The following ACAP3 variants were observed in gnomAD, a reference collection of about 807,000 sequenced individuals.
ACAP3 encodes arf-GAP with coiled-coil, ANK repeat and PH domain-containing protein 3.
ACAP3 carries 56 observed loss-of-function variants against 104.1 expected under a neutral mutation model. The ratio of observed to expected loss-of-function variants is 0.54; its 90% confidence interval spans 0.43 to 0.67. The LOEUF is 0.67. Among genes scored for constraint, ACAP3 ranks in the 30% least tolerant of loss-of-function variants. The pLI is 0.00. For synonymous variants in ACAP3, 628 were observed against 496.2 expected, an observed-to-expected ratio of 1.27 and a Z score of -3.53; for missense variants, 1,208 against 1,174.9, an observed-to-expected ratio of 1.03 and a Z score of -0.41.
chr1:1,307,618 G>A (rs1310148830), intron 1 of ACAP3, 151 bp downstream of exon 1: 11 of 924,948 alleles, frequency 1.2e-5, no homozygotes, highest in Non-Finnish European at 1.5e-5. Context: ...ATGGCGGGGC[G>A]GGGCCGCCGC....
intron 12 of ACAP3, 50 bp downstream of exon 12, chr1:1,298,320 C>T (rs1162012033): frequency 1.2e-6 from 2 of 1,604,102 alleles, no homozygotes; most frequent in Non-Finnish European, 1.7e-6. Flanking sequence ...CCCTGTGGCC[C>T]AGGTGGGGCG....
intron 1 of ACAP3, chr1:1,307,452 C>A (rs2100507147): frequency 7.7e-7 from 1 of 1,295,568 alleles, no homozygotes; most frequent in South Asian, 1.2e-5. Context: ...CTGGCCAGAG[C>A]TGGACTGCAG....
chr1:1,293,427 G>C lies in ACAP3; in HGVS notation c.*137C>G, dbSNP rs1557592447. The C allele has an allele frequency of 3.1e-5, 28 of 902,358 alleles. No individual in the cohort carries two copies. Among genetic ancestry groups the C allele is most frequent in the Admixed American group, 2.8e-4 (6 of 21,144 alleles). 55.9% of individuals were successfully genotyped at this position (902,358 alleles called of 1,614,324 possible). On this transcript the variant is annotated 3_prime_UTR_variant, in exon 24 of 24. Transcript: ENST00000354700. The stretch of plus-strand genomic sequence containing the variant: ...GCTCTCCTCCTGGGCGAGCAGGGCC[G>C]CGGCGCCCCAGCACTGGGGCTGCCA...
chr1:1,303,488 C>T lies in ACAP3; in HGVS notation c.106-207G>A, dbSNP rs1456463240. On this transcript the variant is annotated intron_variant, in intron 2 of 23. Transcript: ENST00000354700. This position sits in a 1 kb window ranked among gnomAD's most constrained non-coding sequence, Gnocchi z 4.0. ...GTCTGGGAGGGGAGGGTGGGGCCGCCACGGCTCGGCTGGGAGGGACCAGGA... is the reference window on the plus strand; with the variant it reads ...GTCTGGGAGGGGAGGGTGGGGCCGCTACGGCTCGGCTGGGAGGGACCAGGA... 2.9e-6 allele frequency: 2 copies of T among 678,502 alleles called. No individual in the cohort carries two copies. Among genetic ancestry groups the T allele is most frequent in the Non-Finnish European group, 4.8e-6 (2 of 414,668 alleles). The allele number at this position is 678,502 out of a possible 1,614,324, so 42.0% of individuals were successfully genotyped here.
In ACAP3 at chr1:1,298,363, G is replaced by A; in HGVS notation, c.915+7C>T. ...ATCAGGGCCCCAGCCCCAGGCCCAG[G>A]GCACACCTTGAGCTTCTTCTGGTAG... is the stretch of plus-strand genomic sequence containing the variant. On this transcript the variant is annotated splice_region_variant and intron_variant, in intron 12 of 23. Transcript: ENST00000354700. 6.2e-7 allele frequency: 1 copy of A among 1,605,564 alleles called. No individual in the cohort carries two copies. Among genetic ancestry groups the A allele is most frequent in the Non-Finnish European group, 8.5e-7 (1 of 1,176,150 alleles).
intron 5 of ACAP3, among the ~76,000 whole-genome samples, chr1:1,300,953 G>A (rs1048625098): frequency 1.3e-5 from 2 of 152,188 alleles, no homozygotes; most frequent in Admixed American, 1.3e-4. Flanking sequence ...TTTTAGTAGA[G>A]ATGGGGTTTC....
In ACAP3 at chr1:1,299,335, G is replaced by T; in HGVS notation, c.750+10C>A. 6.3e-7 allele frequency: 1 copy of T among 1,594,788 alleles called. No homozygotes were observed. Among genetic ancestry groups the T allele is most frequent in the Non-Finnish European group, 8.5e-7 (1 of 1,171,136 alleles). ...GACCCACAGCCCGCCCAGGGCCCGT[G>T]CTCACTTACCTGCAGCAGCGTCTGG... On this transcript the variant is annotated intron_variant, in intron 10 of 23. Coordinates refer to ENST00000354700, the MANE Select transcript of ACAP3 (RefSeq NM_030649.3).
chr1:1,306,724 G>C (rs963466208), intron 1 of ACAP3, among the ~76,000 whole-genome samples: 17 of 152,222 alleles, frequency 1.1e-4, no homozygotes, highest in African/African-American at 4.1e-4. Context: ...GCACAAACAT[G>C]CCTGCACACA....
At position 1,303,361 on chromosome 1, in the gene ACAP3, G is replaced by A. The variant is rs969552231; in HGVS notation, c.106-80C>T. 25 of 1,512,980 alleles carry A rather than the reference G, an allele frequency of 1.7e-5. No homozygotes were observed. The African/African-American group carries it at 2.6e-4, about 16-fold the overall frequency. 93.7% of individuals were successfully genotyped at this position (1,512,980 alleles called of 1,614,324 possible). A position where few individuals can be genotyped will look rare whatever the true frequency, so the allele number is the denominator to read the frequency against. ...ACCACACACGGCCACTCAGAGGCAG[G>A]AAGAGCTCCCAGGGTAGGTTCCACT... is the stretch of plus-strand genomic sequence containing the variant. On this transcript the variant is annotated intron_variant, in intron 2 of 23. Transcript: ENST00000354700. The surrounding 1 kb of genome is among the most constrained non-coding windows in gnomAD (Gnocchi z 4.0).
chr1:1,300,163 C>T lies in ACAP3; in HGVS notation c.562G>A (p.Asp188Asn). The T allele has an allele frequency of 6.2e-7, 1 of 1,610,738 alleles. No homozygotes were observed. Residue 188 changes from aspartate (D) to asparagine (N), a missense_variant, in exon 7 of 24, where the codon GAC becomes AAC. Asp to Asn is a conservative substitution (Grantham distance 23). Coordinates refer to ENST00000354700, the MANE Select transcript of ACAP3 (RefSeq NM_030649.3). ...LQAKKKFEIL[D>N]SMLSFMHAQS... ...GGCAGCCCCCACGCACTCACAGAGT[C>T]CAGGATCTCAAACTTCTTCTTGGCC...
chr1:1,298,468 G>C (rs1362576127), intron 11 of ACAP3, 47 bp from the exon 12 acceptor site: 1 of 1,592,546 alleles, frequency 6.3e-7, no homozygotes, highest in African/African-American at 1.3e-5. Context: ...CCCATCCCAG[G>C]GCTGCTGTGA....
chr1:1,305,821 CT>C (rs1239406780), intron 1 of ACAP3: 3 of 152,332 alleles, frequency 2.0e-5, no homozygotes, highest in African/African-American at 7.2e-5. Context: ...ACGGGCTCCC[CT>C]GGCCTCCGGC....
At position 1,303,279 on chromosome 1, in the gene ACAP3, C is replaced by A; in HGVS notation, c.108G>T (p.Leu36=). 6.3e-7 allele frequency: 1 copy of A among 1,582,182 alleles called. No individual in the cohort carries two copies. The change falls in exon 3 of 24, where the codon CTG becomes CTT. Residue 36 remains leucine, a splice_region_variant and synonymous_variant. Coordinates refer to ENST00000354700, the MANE Select transcript of ACAP3 (RefSeq NM_030649.3). This position sits in a 1 kb window ranked among gnomAD's most constrained non-coding sequence, Gnocchi z 4.0. ...VVEIEAKLDK[L]VKLCSGMVEA... is the part of the protein sequence containing the mutation. ...CCACCATGCCACTGCACAGCTTCACCAGCTGTGGGCCAGCGGGGCGTGGTG... is the reference window on the plus strand; with the variant it reads ...CCACCATGCCACTGCACAGCTTCACAAGCTGTGGGCCAGCGGGGCGTGGTG...
intron 4 of ACAP3, 122 bp downstream of exon 4, chr1:1,302,800 C>T (rs868050278): frequency 9.8e-6 from 3 of 304,632 alleles, no homozygotes; most frequent in African/African-American, 2.7e-5. Flanking sequence ...GGGATTCCCC[C>T]CCCCCCCGAC....
intron 1 of ACAP3, chr1:1,307,353 G>A (rs1305229596): frequency 4.7e-6 from 6 of 1,289,852 alleles, no homozygotes; most frequent in South Asian, 2.5e-5. Flanking sequence ...CCTTAAACGC[G>A]GCTCCAGCTG....
At position 1,303,674 on chromosome 1, in the gene ACAP3, C is replaced by T; in HGVS notation, c.106-393G>A. On this transcript the variant is annotated intron_variant, in intron 2 of 23. Transcript: ENST00000354700. This position sits in a 1 kb window ranked among gnomAD's most constrained non-coding sequence, Gnocchi z 4.0. ...GGCTCCCCTCTCCACGGCCTGTTGCCCCCTCTTTCTCAGCCCATGTGGGGC... is the reference window on the plus strand; with the variant it reads ...GGCTCCCCTCTCCACGGCCTGTTGCTCCCTCTTTCTCAGCCCATGTGGGGC... 3.4e-6 allele frequency: 1 copy of T among 293,518 alleles called. No homozygotes were observed. The highest frequency in any genetic ancestry group is 6.0e-6 in the Non-Finnish European group (1 of 166,826). 18.2% of individuals were successfully genotyped at this position (293,518 alleles called of 1,614,324 possible).
chr1:1,295,487 G>A lies in ACAP3; in HGVS notation c.1773C>T (p.Phe591=). The part of the protein sequence containing the change: ...LFCPDELDSL[F]SYFDAGAAGA... ...CTGCGGCCCCTGCGTCGAAGTAGGA[G>A]AAGAGCGAGTCCAGCTCGTCGGGAC... is the stretch of plus-strand genomic sequence containing the variant. Residue 591 remains phenylalanine, a synonymous_variant, in exon 19 of 24, where the codon TTC becomes TTT. Transcript: ENST00000354700. The A allele has an allele frequency of 1.2e-6, 2 of 1,612,638 alleles. No individual in the cohort carries two copies. Among genetic ancestry groups the A allele is most frequent in the African/African-American group, 1.3e-5 (1 of 75,050 alleles).
In ACAP3 at chr1:1,293,340, C is replaced by T. The variant is rs370312879; in HGVS notation, c.*224G>A. ...GTTCCCCAGGTGGGGTGAGGGACAC[C>T]CGACGATGCAGCACCCCCCCAGGGA... On this transcript the variant is annotated 3_prime_UTR_variant, in exon 24 of 24. Transcript: ENST00000354700. 7 of 356,408 alleles carry T rather than the reference C, an allele frequency of 2.0e-5. No homozygotes were observed. The highest frequency in any genetic ancestry group is 1.2e-4 in the East Asian group (2 of 17,320). The allele number at this position is 356,408 out of a possible 1,614,324, so 22.1% of individuals were successfully genotyped here. A position where few individuals can be genotyped will look rare whatever the true frequency, so the allele number is the denominator to read the frequency against.
intron 1 of ACAP3, chr1:1,305,625 C>T (rs935235265): frequency 6.6e-6 from 1 of 152,292 alleles, no homozygotes; most frequent in Non-Finnish European, 1.5e-5. Flanking sequence ...CTGGGAGCCC[C>T]TCAGCTCTCC....
Sources: allele counts gnomAD v4.1 joint callset (sites outside exome capture counted in the v4.1 genomes callset), GRCh38; gene constraint gnomAD v4.1.1; non-coding constraint Gnocchi (gnomAD v3.1); transcripts MANE v1.5; gene names NCBI Gene and HGNC (gene_info 2026-07-23, HGNC 2026-07-21).